Variants in SLC19A3 observed in about 807,000 individuals in gnomAD.
The protein encoded by SLC19A3 is solute carrier family 19 member 3.
Under a neutral mutation model 40.2 loss-of-function variants are expected in SLC19A3, and 31 were observed. That is an observed-to-expected ratio of 0.77 (90% confidence interval 0.58 to 1.04). The LOEUF is 1.04. SLC19A3 is among the 50% of genes least tolerant of loss of function. SLC19A3 has a pLI of 0.00. For synonymous variants in SLC19A3, 212 were observed against 227.5 expected (o/e 0.93, Z 0.61); for missense variants, 592 against 596.7 (o/e 0.99, Z 0.08).
chr2:227,705,653 T>C (rs1048862835), intron 1 of SLC19A3, among the ~76,000 whole-genome samples: 9 of 151,846 alleles, frequency 5.9e-5, no homozygotes, highest in African/African-American at 1.9e-4. Flanking sequence ...ACCTGGCCAG[T>C]GGGAATGGAA....
chr2:227,702,337 A>C lies in SLC19A3; in HGVS notation c.-2-17T>G. 6.2e-7 allele frequency: 1 copy of C among 1,613,684 alleles called. No individual in the cohort carries two copies. The highest frequency in any genetic ancestry group is 8.5e-7 in the Non-Finnish European group (1 of 1,179,780). ...AATCCATGGCTGATCAAATGGAAAC[A>C]AAGAGAAAATTAAGTGATGCTTATT... On this transcript the variant is annotated splice_polypyrimidine_tract_variant and intron_variant, in intron 1 of 5. Coordinates refer to ENST00000644224, the MANE Select transcript of SLC19A3 (RefSeq NM_025243.4).
chr2:227,701,994 CA>C, intron 2 of SLC19A3, 174 bp downstream of exon 2: 1 of 608,912 alleles, frequency 1.6e-6, no homozygotes, highest in South Asian at 2.0e-5. Context: ...CAATTTTTTG[CA>C]AGTAAGAAGA....
At chr2:227,700,461 C>T (rs915529378) in intron 2 of SLC19A3, among the ~76,000 whole-genome samples, 2 of 151,920 alleles carry the variant, frequency 1.3e-5, no homozygotes, top group African/African-American at 4.8e-5. Context: ...TCGCTTGAAC[C>T]CAGGAGGCAG....
chr2:227,696,687 A>G, intron 3 of SLC19A3, among the ~76,000 whole-genome samples: 1 of 152,206 alleles, frequency 6.6e-6, no homozygotes, highest in East Asian at 1.9e-4. Flanking sequence ...GAAAATATCT[A>G]TATAGACTTA....
intron 2 of SLC19A3, among the ~76,000 whole-genome samples, chr2:227,699,766 C>T (rs1337598549): frequency 1.3e-5 from 2 of 152,100 alleles, no homozygotes; most frequent in Non-Finnish European, 2.9e-5. Context: ...CTTAGATAAA[C>T]CCCGGCAGAA....
intron 4 of SLC19A3, among the ~76,000 whole-genome samples, chr2:227,690,590 C>T (rs1006826990): frequency 6.6e-6 from 1 of 151,038 alleles, no homozygotes; most frequent in Non-Finnish European, 1.5e-5. Flanking sequence ...GCCTGTAGTC[C>T]CAGCTACTCG....
chr2:227,714,539 G>A lies in SLC19A3; in HGVS notation c.-3+3404C>T, dbSNP rs796981953. The A allele has an allele frequency of 2.5e-5, 25 of 984,890 alleles. No individual in the cohort carries two copies. In the African/African-American group the frequency reaches 3.9e-4, roughly 15 times the overall value. 61.0% of individuals were successfully genotyped at this position (984,890 alleles called of 1,614,324 possible). On this transcript the variant is annotated intron_variant, in intron 1 of 5. Coordinates refer to ENST00000644224, the MANE Select transcript of SLC19A3 (RefSeq NM_025243.4). ...CAACTTCTGCTCCTTCCTGCTGCCC[G>A]CCACTATGAAAATCCCTTTCCATAC...
At chr2:227,716,238 C>T (rs184496407) in intron 1 of SLC19A3, among the ~76,000 whole-genome samples, 1 of 152,272 alleles carries the variant, frequency 6.6e-6, no homozygotes, top group East Asian at 1.9e-4. Context: ...TTCCTTTCCC[C>T]CATGGAAAAC....
rs574477485 is a variant in SLC19A3 at position 227,700,065 on chromosome 2, C to T, written c.151-501G>A. Reference sequence around the variant, plus strand: ...GCTAATTTTTGTATTTTAGAAGAGACGGGGTTTCACCATGTTGATCAGGTT... The same window carrying T: ...GCTAATTTTTGTATTTTAGAAGAGATGGGGTTTCACCATGTTGATCAGGTT... On this transcript the variant is annotated intron_variant, in intron 2 of 5. Coordinates refer to ENST00000644224, the MANE Select transcript of SLC19A3 (RefSeq NM_025243.4). Among the ~76,000 whole-genome samples the T allele has an allele frequency of 2.6e-4, 39 of 151,938 alleles. 1 individual carries two copies. The highest frequency in any genetic ancestry group is 2.3e-3 in the Admixed American group (35 of 15,260).
intron 2 of SLC19A3, chr2:227,700,985 C>G: frequency 1.3e-5 from 17 of 1,304,290 alleles, no homozygotes; most frequent in Non-Finnish European, 1.7e-5. Context: ...AACTGAGCTG[C>G]TCCTTGGAGG....
chr2:227,687,221 T>C lies in SLC19A3; in HGVS notation c.*176A>G, dbSNP rs886055761. On this transcript the variant is annotated 3_prime_UTR_variant, in exon 6 of 6. Transcript: ENST00000644224. The stretch of plus-strand genomic sequence containing the variant: ...GTCCTGTCAATTGCATCCAGTAAAA[T>C]TGGTCACATAGAGAACTCATCTAAA... 24 of 593,884 alleles carry C rather than the reference T, an allele frequency of 4.0e-5. No homozygotes were observed. Among genetic ancestry groups the C allele is most frequent in the South Asian group, 1.3e-4 (5 of 39,254 alleles). The allele number at this position is 593,884 out of a possible 1,614,324, so 36.8% of individuals were successfully genotyped here.
At position 227,698,755 on chromosome 2, in the gene SLC19A3, T is replaced by C; in HGVS notation, c.960A>G (p.Glu320=). The change falls in exon 3 of 6, where the codon GAA becomes GAG. Residue 320 remains glutamate, a synonymous_variant. Transcript: ENST00000644224. ...QDSSIYNGAV[E]AIATFGGAVA... ...GCTTACCTCCAAAGGTTGCAATAGC[T>C]TCTACGGCCCCATTATAGATGGAAG... The C allele has an allele frequency of 6.2e-7, 1 of 1,613,866 alleles. No homozygotes were observed. The highest frequency in any genetic ancestry group is 8.5e-7 in the Non-Finnish European group (1 of 1,180,024).
chr2:227,716,547 C>T (rs1207578172), intron 1 of SLC19A3, among the ~76,000 whole-genome samples: 1 of 152,160 alleles, frequency 6.6e-6, no homozygotes, highest in Non-Finnish European at 1.5e-5. Flanking sequence ...GAATATACCC[C>T]ACACCTGAAC....
At chr2:227,700,747 C>T (rs572341513) in intron 2 of SLC19A3, among the ~76,000 whole-genome samples, 1 of 152,162 alleles carries the variant, frequency 6.6e-6, no homozygotes, top group South Asian at 2.1e-4. Flanking sequence ...CCCTGCTCCC[C>T]CTAACAATTC....
chr2:227,711,776 A>G (rs7605058), intron 1 of SLC19A3, among the ~76,000 whole-genome samples: 109,232 of 151,916 alleles, frequency 0.72, 40,265 homozygotes, highest in East Asian at 0.92. Flanking sequence ...GAGGCTGGGC[A>G]CCGTGGCTCA....
At position 227,699,472 on chromosome 2, in the gene SLC19A3, T is replaced by C. The variant is rs764386557; in HGVS notation, c.243A>G (p.Pro81=). 2 of 1,614,180 alleles carry C rather than the reference T, an allele frequency of 1.2e-6. No homozygotes were observed. Among genetic ancestry groups the C allele is most frequent in the South Asian group, 2.2e-5 (2 of 91,078 alleles). ...FVLTDYVRYK[P]VIILQGISFI... ...AACTGATACCTTGCAAGATGATGACTGGCTTGTAGCGGACATAATCGGTGA... is the reference window on the plus strand; with the variant it reads ...AACTGATACCTTGCAAGATGATGACCGGCTTGTAGCGGACATAATCGGTGA... Residue 81 remains proline (P), a synonymous_variant, in exon 3 of 6, where the codon CCA becomes CCG. Coordinates refer to ENST00000644224, the MANE Select transcript of SLC19A3 (RefSeq NM_025243.4).
chr2:227,690,706 C>CAAAA (rs34163746), intron 4 of SLC19A3, among the ~76,000 whole-genome samples: 6 of 39,134 alleles, frequency 1.5e-4, no homozygotes, highest in East Asian at 7.3e-4. Context: ...GACTCCATCT[C>CAAAA]AAAAAAAAAA....
chr2:227,695,489 C>T (rs1695389047), intron 4 of SLC19A3: 1 of 198,444 alleles, frequency 5.0e-6, no homozygotes, highest in South Asian at 8.9e-5. Flanking sequence ...GTCATCCCAG[C>T]TACTCAGGAG....
chr2:227,712,299 A>C (rs1272899280), intron 1 of SLC19A3, among the ~76,000 whole-genome samples: 2 of 152,156 alleles, frequency 1.3e-5, no homozygotes, highest in Non-Finnish European at 2.9e-5. Flanking sequence ...GGGAAGCCAC[A>C]GACTGAAGAG....
Sources: gnomAD v4.1 joint callset for allele counts (sites outside exome capture counted in the v4.1 genomes callset) on GRCh38, gnomAD v4.1.1 for gene constraint, MANE v1.5 for transcripts, NCBI Gene and HGNC (gene_info 2026-07-23, HGNC 2026-07-21) for gene names.